Variants in TRIM14 observed in about 807,000 individuals in gnomAD.
TRIM14 encodes the protein tripartite motif containing 14.
Under a neutral mutation model 44.5 loss-of-function variants are expected in TRIM14, and 28 were observed. The observed-to-expected ratio is 0.63, with a 90% CI of 0.47 to 0.86. The LOEUF (loss-of-function observed/expected upper bound fraction) is 0.86, where lower values mean the gene tolerates loss of function less well. TRIM14 is among the 40% of genes least tolerant of loss of function. The pLI is 0.00. For synonymous variants in TRIM14, 299 were observed against 269.2 expected, an observed-to-expected ratio of 1.11 and a Z score of -1.08; for missense variants, 607 against 611.1, an observed-to-expected ratio of 0.99 and a Z score of 0.07.
intron 1 of TRIM14, among the ~76,000 whole-genome samples, chr9:98,113,163 A>G (rs1392063200): frequency 6.6e-6 from 1 of 151,330 alleles, no homozygotes; most frequent in African/African-American, 2.4e-5. Flanking sequence ...AAGTTTTTCT[A>G]AAACTTAAGT....
chr9:98,100,744 T>C (rs577870632), intron 2 of TRIM14, among the ~76,000 whole-genome samples: 2 of 152,246 alleles, frequency 1.3e-5, no homozygotes, highest in South Asian at 4.1e-4. Context: ...AAATTATATA[T>C]GGAAATGTAT....
the TRIM14 span, among the ~76,000 whole-genome samples, chr9:98,058,832 C>T: frequency 6.6e-6 from 1 of 152,204 alleles, no homozygotes; most frequent in African/African-American, 2.4e-5. Context: ...GCTAGAGACA[C>T]TGTGCAACTT....
chr9:98,040,774 A>G, the TRIM14 span, among the ~76,000 whole-genome samples: 1 of 151,614 alleles, frequency 6.6e-6, no homozygotes, highest in Non-Finnish European at 1.5e-5. Context: ...TCTCTGCCTC[A>G]GCCTCCCGGG....
the TRIM14 span, chr9:98,061,071 C>A: frequency 7.0e-7 from 1 of 1,419,838 alleles, no homozygotes; most frequent in Non-Finnish European, 9.9e-7. Flanking sequence ...TGACTTCCGG[C>A]TTAGGGCCAC....
At chr9:98,066,336 T>C (rs997010116), downstream of TRIM14, among the ~76,000 whole-genome samples, 1 of 152,200 alleles carries the variant, frequency 6.6e-6, no homozygotes, top group African/African-American at 2.4e-5. Flanking sequence ...TATTTGTCCT[T>C]TCCATCATCA....
In TRIM14 at chr9:98,087,559, G is replaced by A. The variant is rs1167532049; in HGVS notation, c.1240C>T (p.Leu414=). Residue 414 remains leucine (L), a synonymous_variant, in exon 6 of 6, where the codon CTG becomes TTG. Coordinates refer to ENST00000341469, the MANE Select transcript of TRIM14 (RefSeq NM_014788.4). ...TGGAACGTGGCGCGGAAGGTATGCA[G>A]GTGGCTCATGCCGCCCGTCACGTCG... is the stretch of plus-strand genomic sequence containing the variant. ...FYDVTGGMSH[L]HTFRATFQEP... 2.5e-6 allele frequency: 4 copies of A among 1,596,604 alleles called. No homozygotes were observed. Among genetic ancestry groups the A allele is most frequent in the Non-Finnish European group, 3.4e-6 (4 of 1,173,898 alleles).
the TRIM14 span, among the ~76,000 whole-genome samples, chr9:98,060,243 T>C: frequency 2.0e-5 from 3 of 152,190 alleles, no homozygotes; most frequent in Non-Finnish European, 4.4e-5. Flanking sequence ...TCTTTTGGCA[T>C]GTTAAGAGAA....
At chr9:98,046,592 C>T in the TRIM14 span, among the ~76,000 whole-genome samples, 3 of 152,026 alleles carry the variant, frequency 2.0e-5, no homozygotes, top group Non-Finnish European at 4.4e-5. Flanking sequence ...CAGGCATGCG[C>T]CACCACACTC....
At chr9:98,079,530 T>C (rs1363864814), downstream of TRIM14, among the ~76,000 whole-genome samples, 1 of 152,158 alleles carries the variant, frequency 6.6e-6, no homozygotes, top group Non-Finnish European at 1.5e-5. Context: ...AAACTTTCTG[T>C]CCCTCCCAAT....
intron 3 of TRIM14, 43 bp downstream of exon 3, chr9:98,099,888 G>GGGTGGCA (rs1193681744): frequency 1.9e-6 from 3 of 1,540,752 alleles, no homozygotes; most frequent in Non-Finnish European, 2.7e-6. Context: ...GATGAAGTGT[G>GGGTGGCA]GGTGGCAGGT....
Position 98,119,113 on chromosome 9 carries a change from C to A in TRIM14, c.76G>T (p.Glu26Ter). ...LVEGCGWRCP[E>*]HGDRVAELFC... ...AGCTCAGCCACGCGGTCGCCATGCT[C>A]CGGGCAGCGCCAGCCGCATCCCTCG... The change falls in exon 1 of 6, where the codon GAG becomes TAG. Residue 26 changes from glutamate to a stop codon, truncating the protein, a stop_gained. Coordinates refer to ENST00000341469, the MANE Select transcript of TRIM14 (RefSeq NM_014788.4). LOFTEE classifies it high-confidence loss of function. 6.3e-7 allele frequency: 1 copy of A among 1,587,276 alleles called. No individual in the cohort carries two copies. The highest frequency in any genetic ancestry group is 1.4e-5 in the African/African-American group (1 of 72,820).
chr9:98,098,652 C>A (rs1329890693), intron 3 of TRIM14, among the ~76,000 whole-genome samples: 1 of 151,154 alleles, frequency 6.6e-6, no homozygotes, highest in East Asian at 2.0e-4. Context: ...TGCTGTAAGC[C>A]GAGATCACAC....
rs147994468 is a variant in TRIM14, at chr9:98,095,721, G to A, written c.538-692C>T. Among the ~76,000 whole-genome samples the A allele has an allele frequency of 5.0e-3, 759 of 152,304 alleles. 3 individuals are homozygous for A. Among genetic ancestry groups the A allele is most frequent in the Non-Finnish European group, 7.9e-3 (536 of 68,022 alleles). On this transcript the variant is annotated intron_variant, in intron 3 of 5. Coordinates refer to ENST00000341469, the MANE Select transcript of TRIM14 (RefSeq NM_014788.4). This position sits in a 1 kb window ranked among gnomAD's most constrained non-coding sequence, Gnocchi z 4.1. ...TGACCAGACGCCTCCAAGCCAAAGC[G>A]TGGATTTGGAAATGACGGTGAAGGT...
In TRIM14 at chr9:98,087,830, G is replaced by T; in HGVS notation, c.969C>A (p.Tyr323Ter). ...CCGCCTCCTGCACGTCAACCTCCCA[G>T]TAGTGGCGGCCGGTGGCGAAGCAGT... ...ARDCFATGRHYWEVDVQEAGA... is the reference protein window; with the variant it reads ...ARDCFATGRH Residue 323 changes from tyrosine (Y) to a stop codon, truncating the protein, a stop_gained, in exon 6 of 6, where the codon TAC becomes TAA. Coordinates refer to ENST00000341469, the MANE Select transcript of TRIM14 (RefSeq NM_014788.4). LOFTEE classifies it high-confidence loss of function. 1.3e-6 allele frequency: 2 copies of T among 1,544,884 alleles called. No homozygotes were observed. Among genetic ancestry groups the T allele is most frequent in the Non-Finnish European group, 1.7e-6 (2 of 1,157,170 alleles).
At chr9:98,105,183 C>CTG (rs1826558411) in intron 2 of TRIM14, among the ~76,000 whole-genome samples, 1 of 151,040 alleles carries the variant, frequency 6.6e-6, no homozygotes, top group African/African-American at 2.4e-5. Context: ...CCTACAGCTC[C>CTG]TGCGGGTCAC....
rs552806932 is a variant in TRIM14, at chr9:98,099,016, C to T, written c.537+915G>A. On this transcript the variant is annotated intron_variant, in intron 3 of 5. Coordinates refer to ENST00000341469, the MANE Select transcript of TRIM14 (RefSeq NM_014788.4). The stretch of plus-strand genomic sequence containing the variant: ...CAAACTTCTGGCCTCAAGTGATCTG[C>T]CACAGGGGCTATTTCTTAGACTCTT... Among the ~76,000 whole-genome samples, 3 of 152,210 alleles carry T rather than the reference C, an allele frequency of 2.0e-5. No homozygotes were observed. The East Asian group carries it at 5.8e-4, about 30-fold the overall frequency.
At chr9:98,082,925 G>A (rs201902451), downstream of TRIM14, 1 of 1,614,208 alleles carries the variant, frequency 6.2e-7, no homozygotes, top group East Asian at 2.2e-5. Context: ...GTGAAGGTGG[G>A]TGAGCCCAAA....
At chr9:98,051,983 C>T in the TRIM14 span, among the ~76,000 whole-genome samples, 2 of 152,080 alleles carry the variant, frequency 1.3e-5, no homozygotes, top group Non-Finnish European at 2.9e-5. Context: ...AGCCAAGTAT[C>T]CCTCCTAACT....
At chr9:98,089,267 C>T (rs958255952) in intron 5 of TRIM14, among the ~76,000 whole-genome samples, 22 of 151,980 alleles carry the variant, frequency 1.4e-4, no homozygotes, top group African/African-American at 5.3e-4. Context: ...ACCTCGGCCT[C>T]CTGGGTTCAA....
Sources: allele counts gnomAD v4.1 joint callset (sites outside exome capture counted in the v4.1 genomes callset), GRCh38; gene constraint gnomAD v4.1.1; non-coding constraint Gnocchi (gnomAD v3.1); transcripts MANE v1.5; gene names NCBI Gene and HGNC (gene_info 2026-07-23, HGNC 2026-07-21).